Variants in L2HGDH observed in about 807,000 individuals in gnomAD.
L2HGDH encodes the protein L-2-hydroxyglutarate dehydrogenase, also known as L-2-hydroxyglutarate dehydrogenase, mitochondrial.
L2HGDH carries 34 observed loss-of-function variants against 51.5 expected under a neutral mutation model. That is an observed-to-expected ratio of 0.66 (90% CI 0.50 to 0.88). The LOEUF (loss-of-function observed/expected upper bound fraction) is 0.88, where lower values mean the gene tolerates loss of function less well. Ranked by LOEUF, L2HGDH falls within the 40% of genes least tolerant of loss-of-function variation. The pLI, the probability that L2HGDH is intolerant of heterozygous loss-of-function variation, is 0.00. For synonymous variants in L2HGDH, 198 were observed against 197.9 expected (o/e 1.00, Z -0.01); for missense variants, 558 against 571.9 (o/e 0.98, Z 0.25).
At chr14:50,265,568 T>C in intron 8 of L2HGDH, 79 bp from the exon 9 acceptor site, 1 of 1,236,660 alleles carries the variant, frequency 8.1e-7, no homozygotes, top group East Asian at 2.6e-5. Context: ...TATTAGATTC[T>C]TTTTTTATGT....
chr14:50,252,814 T>A (rs779253579), intron 9 of L2HGDH, among the ~76,000 whole-genome samples: 1 of 152,024 alleles, frequency 6.6e-6, no homozygotes, highest in East Asian at 1.9e-4. Context: ...GCTAAAGAGA[T>A]AGACCCCAAT....
In L2HGDH at chr14:50,302,076, C is replaced by T. The variant is rs1303341541; in HGVS notation, c.349G>A (p.Ala117Thr). Residue 117 changes from alanine (A) to threonine (T), a missense_variant, in exon 3 of 10, where the codon GCA becomes ACA. By Grantham distance (58) the Ala-to-Thr change is moderately conservative. Coordinates refer to ENST00000267436, the MANE Select transcript of L2HGDH (RefSeq NM_024884.3). ...SLKAKLCVQG[A>T]ALLYEYCQQK... ...TGACAGTACTCATAGAGGAGGGCTG[C>T]ACCTTGTACACATAATTTGGCTTTC... 10 of 1,613,988 alleles carry T rather than the reference C, an allele frequency of 6.2e-6. No individual in the cohort carries two copies. The highest frequency in any genetic ancestry group is 3.3e-5 in the Admixed American group (2 of 59,988).
intron 8 of L2HGDH, among the ~76,000 whole-genome samples, chr14:50,267,474 G>A (rs756028105): frequency 1.2e-4 from 18 of 152,180 alleles, no homozygotes; most frequent in Admixed American, 3.9e-4. Flanking sequence ...GAGCCACTGC[G>A]CCCAGCCAGC....
At chr14:50,310,832 G>T (rs2031079613) in intron 1 of L2HGDH, among the ~76,000 whole-genome samples, 1 of 151,730 alleles carries the variant, frequency 6.6e-6, no homozygotes, top group African/African-American at 2.4e-5. Flanking sequence ...CGCTATTACT[G>T]GTATCCCACT....
intron 7 of L2HGDH, among the ~76,000 whole-genome samples, chr14:50,268,629 C>T (rs1889491280): frequency 6.6e-6 from 1 of 152,094 alleles, no homozygotes; most frequent in Admixed American, 6.6e-5. Flanking sequence ...ATTCATGTTT[C>T]GGCAAGCTCA....
rs1365098126 is a variant in L2HGDH, at chr14:50,247,214, A to G, written c.1236T>C (p.Asp412=). 1 of 1,614,132 alleles carries G rather than the reference A, an allele frequency of 6.2e-7. No individual in the cohort carries two copies. Among genetic ancestry groups the G allele is most frequent in the Non-Finnish European group, 8.5e-7 (1 of 1,180,006 alleles). ...AGVRAQALDR[D]GNLVEDFVFD... ...ATACAAAATCTTCTACCAGATTTCC[A>G]TCTCTATCCAGGGCCTGGGCTCTTA... Residue 412 remains aspartate, a synonymous_variant, in exon 10 of 10, where the codon GAT becomes GAC. Coordinates refer to ENST00000267436, the MANE Select transcript of L2HGDH (RefSeq NM_024884.3).
At chr14:50,306,185 G>A (rs184331420) in intron 1 of L2HGDH, among the ~76,000 whole-genome samples, 18 of 151,806 alleles carry the variant, frequency 1.2e-4, no homozygotes. Flanking sequence ...CAAGTAGCTG[G>A]GACTACAGGT....
chr14:50,249,736 T>C (rs1465039038), intron 9 of L2HGDH, among the ~76,000 whole-genome samples: 1 of 151,942 alleles, frequency 6.6e-6, no homozygotes. Flanking sequence ...CCAGCTGTGG[T>C]GGCTACAGTG....
intron 6 of L2HGDH, among the ~76,000 whole-genome samples, chr14:50,275,579 G>A (rs927906555): frequency 6.6e-6 from 1 of 152,174 alleles, no homozygotes; most frequent in Non-Finnish European, 1.5e-5. Flanking sequence ...TATAGGCTCA[G>A]GCTCATGGAA....
At position 50,245,451 on chromosome 14, in the gene L2HGDH, CAA is replaced by C; in HGVS notation, c.*1605_*1606del. ...TGATGATACCATACCACATCAGTTA[CAA>C]AGAGACTGGAAATAATAAAGGCTTT... On this transcript the variant is annotated 3_prime_UTR_variant, in exon 10 of 10. Transcript: ENST00000267436. The C allele has an allele frequency of 1.0e-6, 1 of 984,472 alleles. No homozygotes were observed. Among genetic ancestry groups the C allele is most frequent in the Non-Finnish European group, 1.2e-6 (1 of 829,138 alleles). 61.0% of individuals were successfully genotyped at this position (984,472 alleles called of 1,614,324 possible).
In L2HGDH at chr14:50,260,455, C is replaced by T. The variant is rs192507640; in HGVS notation, c.1196+4903G>A. The stretch of plus-strand genomic sequence containing the variant: ...GCATTTAAGATCTACATATTTTATA[C>T]GTTGAGTCACACATAAATTACAAAT... On this transcript the variant is annotated intron_variant, in intron 9 of 9. Transcript: ENST00000267436. Among the ~76,000 whole-genome samples, 9 of 152,268 alleles carry T rather than the reference C, an allele frequency of 5.9e-5. No homozygotes were observed. In the South Asian group the frequency reaches 1.2e-3, roughly 21 times the overall value.
intron 1 of L2HGDH, among the ~76,000 whole-genome samples, chr14:50,307,048 T>C (rs955835590): frequency 6.6e-5 from 10 of 152,232 alleles, no homozygotes; most frequent in African/African-American, 2.4e-4. Flanking sequence ...ACTCCTGACC[T>C]CAGGTGATCC....
At chr14:50,260,225 T>C (rs1335800540) in intron 9 of L2HGDH, among the ~76,000 whole-genome samples, 2 of 151,446 alleles carry the variant, frequency 1.3e-5, no homozygotes, top group African/African-American at 2.4e-5. Context: ...ATATTTTTTT[T>C]CCAGACTTCC....
In L2HGDH at chr14:50,285,309, C is replaced by T. The variant is rs184298477; in HGVS notation, c.541-1276G>A. Among the ~76,000 whole-genome samples the T allele has an allele frequency of 9.0e-4, 137 of 152,320 alleles. 1 individual carries two copies. The highest frequency in any genetic ancestry group is 3.0e-3 in the African/African-American group (124 of 41,574). ...AATGTTTTCTAATGACCAGGTCACA[C>T]TGAGGGTAAAGACTCCCAAAACATC... is the stretch of plus-strand genomic sequence containing the variant. On this transcript the variant is annotated intron_variant, in intron 4 of 9. Coordinates refer to ENST00000267436, the MANE Select transcript of L2HGDH (RefSeq NM_024884.3).
chr14:50,301,961 CA>C, intron 3 of L2HGDH, 55 bp downstream of exon 3: 2 of 1,551,602 alleles, frequency 1.3e-6, no homozygotes, highest in Non-Finnish European at 1.8e-6. Flanking sequence ...TAATATTAAA[CA>C]TCACTAAGCA....
At chr14:50,269,912 T>C (rs1017624604) in intron 6 of L2HGDH, among the ~76,000 whole-genome samples, 1 of 152,238 alleles carries the variant, frequency 6.6e-6, no homozygotes, top group African/African-American at 2.4e-5. Context: ...ATTATATCCA[T>C]AACATCTCTG....
intron 5 of L2HGDH, 88 bp from the exon 6 acceptor site, chr14:50,278,642 C>CT (rs1890101807): frequency 2.7e-6 from 2 of 736,318 alleles, no homozygotes; most frequent in Non-Finnish European, 4.7e-6. Context: ...CTTAAATAAC[C>CT]TTTTTCTGTC....
At chr14:50,294,017 C>G in intron 4 of L2HGDH, 98 bp downstream of exon 4, 6 of 1,392,968 alleles carry the variant, frequency 4.3e-6, no homozygotes, top group Non-Finnish European at 6.1e-6. Flanking sequence ...GATTATCTAA[C>G]TGATTTTATA....
chr14:50,290,463 G>A (rs751615641), intron 4 of L2HGDH, among the ~76,000 whole-genome samples: 1 of 152,018 alleles, frequency 6.6e-6, no homozygotes, highest in African/African-American at 2.4e-5. Context: ...CAAGTCCTTC[G>A]GTAGCTATCT....
Sources: gnomAD v4.1 joint callset for allele counts (sites outside exome capture counted in the v4.1 genomes callset) on GRCh38, gnomAD v4.1.1 for gene constraint, MANE v1.5 for transcripts, NCBI Gene and HGNC (gene_info 2026-07-23, HGNC 2026-07-21) for gene names.